The following CACNB4 variants were observed in gnomAD, a reference collection of about 807,000 sequenced individuals.
CACNB4 encodes calcium voltage-gated channel auxiliary subunit beta 4.
In CACNB4, 32 loss-of-function variants were observed where a neutral mutation model predicts 71.2. That is an observed-to-expected ratio of 0.45 (90% CI 0.34 to 0.60). The LOEUF (loss-of-function observed/expected upper bound fraction) is 0.60, where lower values mean the gene tolerates loss of function less well. Ranked by LOEUF, CACNB4 falls within the 20% of genes least tolerant of loss-of-function variation. CACNB4 has a pLI of 0.01. For missense variants in CACNB4, 464 were observed against 647.9 expected (o/e 0.72, Z 3.08); for synonymous variants, 231 against 236.9 (o/e 0.97, Z 0.23).
chr2:152,067,388 TG>T lies in CACNB4; in HGVS notation c.147+30941del, dbSNP rs56725916. 1.1e-3 allele frequency among the ~76,000 whole-genome samples: 148 copies of T among 137,172 alleles called. 2 individuals are homozygous for T. Among genetic ancestry groups the T allele is most frequent in the South Asian group, 5.6e-3 (22 of 3,934 alleles). 90.0% of individuals were successfully genotyped at this position (137,172 alleles called of 152,430 possible). A position where few individuals can be genotyped will look rare whatever the true frequency, so the allele number is the denominator to read the frequency against. On this transcript the variant is annotated intron_variant, in intron 2 of 13. Coordinates refer to ENST00000539935, the MANE Select transcript of CACNB4 (RefSeq NM_000726.5). ...TGTTTTTTATAGAGATGTGTGTGTG[TG>T]GGGGGGGGGGTGCCTCTCACTGTGT...
chr2:151,963,311 C>CA (rs71410446), intron 2 of CACNB4, among the ~76,000 whole-genome samples: 8,772 of 59,506 alleles, frequency 0.15, 543 homozygotes, highest in Middle Eastern at 0.3. Context: ...GACACCGTCT[C>CA]AAAAAAAAAA....
At chr2:151,973,354 T>C (rs950072775) in intron 2 of CACNB4, 46 of 321,154 alleles carry the variant, frequency 1.4e-4, no homozygotes, top group African/African-American at 8.9e-4. Flanking sequence ...CTGCATAGTT[T>C]AAACCAGTCT....
At chr2:151,875,007 C>T in intron 5 of CACNB4, 1 of 404,486 alleles carries the variant, frequency 2.5e-6, no homozygotes, top group African/African-American at 2.0e-5. Context: ...CCGGGACCTG[C>T]ACATACCATC....
chr2:151,963,220 G>A (rs1344642464), intron 2 of CACNB4, among the ~76,000 whole-genome samples: 1 of 150,784 alleles, frequency 6.6e-6, no homozygotes, highest in Non-Finnish European at 1.5e-5. Context: ...GCTGAGGCAG[G>A]AGAATGGCGT....
Position 151,837,960 on chromosome 2 carries a change from CA to C in CACNB4, c.*1158del, listed in dbSNP as rs2099835252. ...TTTTGTAAAAACATCTCCTGAATAT[CA>C]AAGTTGAGTGTGTCCACATAAAACG... On this transcript the variant is annotated 3_prime_UTR_variant, in exon 14 of 14. Coordinates refer to ENST00000539935, the MANE Select transcript of CACNB4 (RefSeq NM_000726.5). 6.6e-6 allele frequency: 1 copy of C among 152,140 alleles called. No homozygotes were observed. The highest frequency in any genetic ancestry group is 2.4e-5 in the African/African-American group (1 of 41,432). The allele number at this position is 152,140 out of a possible 1,614,324, so 9.4% of individuals were successfully genotyped here.
intron 2 of CACNB4, among the ~76,000 whole-genome samples, chr2:152,016,699 C>T (rs895320006): frequency 1.7e-4 from 26 of 152,330 alleles, no homozygotes; most frequent in African/African-American, 3.4e-4. Context: ...TGCATGTCTA[C>T]GTTTGCACGC....
At chr2:151,966,058 A>AT (rs2099871018) in intron 2 of CACNB4, among the ~76,000 whole-genome samples, 1 of 152,208 alleles carries the variant, frequency 6.6e-6, no homozygotes, top group African/African-American at 2.4e-5. Context: ...ATATGGTGAC[A>AT]TTTTTATCTT....
chr2:152,009,021 C>T (rs554004082), intron 2 of CACNB4, among the ~76,000 whole-genome samples: 1 of 152,126 alleles, frequency 6.6e-6, no homozygotes, highest in East Asian at 1.9e-4. Flanking sequence ...CACCATCAGG[C>T]CTTTATCAAA....
In CACNB4 at chr2:151,870,848, T is replaced by C; in HGVS notation, c.612A>G (p.Gln204=). 1 of 1,603,014 alleles carries C rather than the reference T, an allele frequency of 6.2e-7. No individual in the cohort carries two copies. The part of the protein sequence containing the change: ...ATPTSTAKQK[Q]KVTEHIPPYD... The stretch of plus-strand genomic sequence containing the variant: ...AAAAGGAAACACAACTTACCACTTT[T>C]TGCTTCTGTTTTGCTAAAAGACAAT... Residue 204 remains glutamine (Q), a synonymous_variant, in exon 7 of 14, where the codon CAA becomes CAG. Transcript: ENST00000539935.
chr2:151,892,164 G>T (rs1000361023), intron 2 of CACNB4, among the ~76,000 whole-genome samples: 5 of 152,124 alleles, frequency 3.3e-5, no homozygotes, highest in Admixed American at 6.6e-5. Flanking sequence ...TGAAAACACG[G>T]ACTTCTGTGA....
intron 9 of CACNB4, among the ~76,000 whole-genome samples, chr2:151,862,343 AAC>A (rs2099841957): frequency 6.6e-6 from 1 of 152,208 alleles, no homozygotes; most frequent in South Asian, 2.1e-4. Context: ...TCTTTAAAAC[AAC>A]AGTCTGTGCA....
chr2:152,081,763 C>T (rs998931002), intron 2 of CACNB4, among the ~76,000 whole-genome samples: 1 of 152,160 alleles, frequency 6.6e-6, no homozygotes, highest in Non-Finnish European at 1.5e-5. Context: ...AATATATCCA[C>T]CAGAATCTAC....
intron 2 of CACNB4, among the ~76,000 whole-genome samples, chr2:151,937,695 C>A (rs2099863263): frequency 6.6e-6 from 1 of 152,128 alleles, no homozygotes; most frequent in Admixed American, 6.6e-5. Flanking sequence ...TGGTGACTTG[C>A]AGATTTGCAA....
At chr2:151,966,694 A>C (rs984525106) in intron 2 of CACNB4, among the ~76,000 whole-genome samples, 23 of 152,172 alleles carry the variant, frequency 1.5e-4, no homozygotes, top group African/African-American at 5.5e-4. Context: ...CCACTATAAG[A>C]TTGTTGGAAA....
At position 152,098,695 on chromosome 2, in the gene CACNB4, T is replaced by C; in HGVS notation, c.63+254A>G. The stretch of plus-strand genomic sequence containing the variant: ...CGGGGTCCGAGTCCCCGGCATCCGC[T>C]GGGGGAGGCTGCGGGCTCCGGAGCG... On this transcript the variant is annotated intron_variant, in intron 1 of 13. Transcript: ENST00000539935. This position sits in a 1 kb window ranked among gnomAD's most constrained non-coding sequence, Gnocchi z 5.3. 2 of 1,560,330 alleles carry C rather than the reference T, an allele frequency of 1.3e-6. No individual in the cohort carries two copies. Among genetic ancestry groups the C allele is most frequent in the East Asian group, 2.4e-5 (1 of 41,694 alleles).
chr2:151,833,557 T>C lies in CACNB4; in HGVS notation c.*5562A>G, dbSNP rs192309143. The C allele has an allele frequency of 4.0e-4, 61 of 152,184 alleles. 1 individual carries two copies. The highest frequency in any genetic ancestry group is 8.5e-4 in the Admixed American group (13 of 15,288). The allele number at this position is 152,184 out of a possible 1,614,324, so 9.4% of individuals were successfully genotyped here. A position where few individuals can be genotyped will look rare whatever the true frequency, so the allele number is the denominator to read the frequency against. On this transcript the variant is annotated 3_prime_UTR_variant, in exon 14 of 14. Transcript: ENST00000539935. Reference sequence around the variant, plus strand: ...AGTGTTATCACAAAATAAAATTTAATAAATTTTATGGAAGGGAATAAAACA... The same window carrying C: ...AGTGTTATCACAAAATAAAATTTAACAAATTTTATGGAAGGGAATAAAACA...
intron 2 of CACNB4, among the ~76,000 whole-genome samples, chr2:152,087,491 C>A (rs1225221500): frequency 2.0e-5 from 3 of 149,842 alleles, no homozygotes; most frequent in African/African-American, 7.4e-5. Flanking sequence ...TGAGCTGAGA[C>A]TGAAGCTCCA....
At chr2:152,005,997 T>C (rs1682703233) in intron 2 of CACNB4, among the ~76,000 whole-genome samples, 1 of 152,254 alleles carries the variant, frequency 6.6e-6, no homozygotes, top group Non-Finnish European at 1.5e-5. Context: ...CACCTGTCTT[T>C]GTCATACCAT....
intron 2 of CACNB4, among the ~76,000 whole-genome samples, chr2:152,044,485 T>C (rs1288578063): frequency 1.3e-5 from 2 of 152,200 alleles, no homozygotes; most frequent in Admixed American, 6.5e-5. Flanking sequence ...CCCAAAGTGC[T>C]GGGATTACAG....
Sources: gnomAD v4.1 joint callset for allele counts (sites outside exome capture counted in the v4.1 genomes callset) on GRCh38, gnomAD v4.1.1 for gene constraint, Gnocchi (gnomAD v3.1) non-coding constraint, MANE v1.5 for transcripts, NCBI Gene and HGNC (gene_info 2026-07-23, HGNC 2026-07-21) for gene names.